Variants in LINGO1 observed in about 807,000 individuals in gnomAD.
The protein encoded by LINGO1 is leucine-rich repeat and immunoglobulin-like domain-containing nogo receptor-interacting protein 1.
A neutral mutation model predicts 37.3 loss-of-function variants in LINGO1; 11 were observed. The ratio of observed to expected loss-of-function variants is 0.29; its 90% CI spans 0.19 to 0.49. The LOEUF is 0.49. Among genes scored for constraint, LINGO1 ranks in the 20% least tolerant of loss-of-function variants. The probability of loss-of-function intolerance (pLI) is 0.99; values close to 1 mark genes in which losing one functional copy is unlikely to be tolerated. For synonymous variants in LINGO1, 387 were observed against 403.0 expected, an observed-to-expected ratio of 0.96 and a Z score of 0.48; for missense variants, 585 against 878.2, an observed-to-expected ratio of 0.67 and a Z score of 4.22.
At chr15:77,704,093 G>A (rs1278561980) in intron 2 of LINGO1, among the ~76,000 whole-genome samples, 1 of 152,174 alleles carries the variant, frequency 6.6e-6, no homozygotes, top group Non-Finnish European at 1.5e-5. Flanking sequence ...CATCCTGTAA[G>A]ATGAGGGCAA....
At chr15:77,666,017 C>T (rs1299694615) in intron 3 of LINGO1, among the ~76,000 whole-genome samples, 2 of 152,222 alleles carry the variant, frequency 1.3e-5, no homozygotes, top group Non-Finnish European at 2.9e-5. Flanking sequence ...CCATGGGCTC[C>T]CCCAGGGCAC....
intron 3 of LINGO1, among the ~76,000 whole-genome samples, chr15:77,664,178 C>CGTGCGCGCGCGCGT (rs1325743368): frequency 7.5e-6 from 1 of 134,066 alleles, no homozygotes; most frequent in African/African-American, 3.0e-5. Context: ...TGTGCGCGCG[C>CGTGCGCGCGCGCGT]GCATGCGTTT....
intron 1 of LINGO1, among the ~76,000 whole-genome samples, chr15:77,770,448 G>A (rs772565980): frequency 4.6e-5 from 7 of 152,118 alleles, no homozygotes; most frequent in African/African-American, 7.2e-5. Flanking sequence ...TTAGTCAGGC[G>A]AGGTGGTGCA....
chr15:77,755,957 T>G (rs2076414531), intron 1 of LINGO1, among the ~76,000 whole-genome samples: 1 of 152,148 alleles, frequency 6.6e-6, no homozygotes, highest in South Asian at 2.1e-4. Flanking sequence ...TTCTTCCTCA[T>G]CCTGACTCCT....
intron 3 of LINGO1, among the ~76,000 whole-genome samples, chr15:77,642,201 C>T (rs2074523173): frequency 6.6e-6 from 1 of 152,190 alleles, no homozygotes; most frequent in African/African-American, 2.4e-5. Context: ...TCCATTAAGA[C>T]CTGAGTCCAG....
At chr15:77,740,967 C>T (rs2076257471) in intron 1 of LINGO1, among the ~76,000 whole-genome samples, 1 of 152,186 alleles carries the variant, frequency 6.6e-6, no homozygotes, top group Admixed American at 6.5e-5. Flanking sequence ...CCACACATGT[C>T]CATCTCCTGG....
At chr15:77,819,236 GC>G (rs2077076112) in intron 1 of LINGO1, 1 of 148,822 alleles carries the variant, frequency 6.7e-6, no homozygotes, top group Non-Finnish European at 1.5e-5. Context: ...TGCGGCCCTG[GC>G]CCCGCTGCAG....
chr15:77,726,461 G>A (rs2076103148), intron 2 of LINGO1, among the ~76,000 whole-genome samples: 2 of 152,340 alleles, frequency 1.3e-5, no homozygotes, highest in South Asian at 4.1e-4. Flanking sequence ...CCTCATTAGG[G>A]CACCCAGATA....
intron 1 of LINGO1, among the ~76,000 whole-genome samples, chr15:77,691,305 A>G (rs567700601): frequency 5.9e-5 from 9 of 152,176 alleles, no homozygotes; most frequent in Non-Finnish European, 1.0e-4. Context: ...TCCAGAGAGG[A>G]GAAGGGATTT....
rs538275504 is a variant in LINGO1, at chr15:77,660,099, T to C, written c.-13+16990A>G. The C allele has an allele frequency of 4.6e-5, 7 of 152,382 alleles. No individual in the cohort carries two copies. In the East Asian group the frequency reaches 1.2e-3, roughly 25 times the overall value. 9.4% of individuals were successfully genotyped at this position (152,382 alleles called of 1,614,324 possible). On this transcript the variant is annotated intron_variant, in intron 3 of 3. Transcript: ENST00000559893. Reference sequence around the variant, plus strand: ...GAGGAGTTGGCACAGTTACTTCTCCTCTCTGAGCCTCGATCTCCCTGCCGG... The same window carrying C: ...GAGGAGTTGGCACAGTTACTTCTCCCCTCTGAGCCTCGATCTCCCTGCCGG...
At chr15:77,677,619 C>T (rs553123197) in intron 2 of LINGO1, among the ~76,000 whole-genome samples, 19 of 152,234 alleles carry the variant, frequency 1.2e-4, no homozygotes, top group African/African-American at 1.2e-4. Flanking sequence ...GCCCCAGCAC[C>T]GCTCAAGATC....
At chr15:77,659,988 T>G (rs1391227848) in intron 3 of LINGO1, 1 of 151,966 alleles carries the variant, frequency 6.6e-6, no homozygotes, top group Non-Finnish European at 1.5e-5. Flanking sequence ...TTCTTCTGTT[T>G]AAAATAGTGA....
At chr15:77,664,178 C>T (rs1051991544) in intron 3 of LINGO1, among the ~76,000 whole-genome samples, 42 of 134,090 alleles carry the variant, frequency 3.1e-4, no homozygotes, top group African/African-American at 4.2e-4. Context: ...TGTGCGCGCG[C>T]GCATGCGTTT....
intron 2 of LINGO1, among the ~76,000 whole-genome samples, chr15:77,703,281 G>A (rs550719950): frequency 1.0e-3 from 159 of 152,274 alleles, no homozygotes; most frequent in African/African-American, 3.7e-3. Flanking sequence ...TCTTGTAACT[G>A]AGAAATGTCA....
chr15:77,752,229 C>G (rs978365357), intron 1 of LINGO1, among the ~76,000 whole-genome samples: 1 of 152,240 alleles, frequency 6.6e-6, no homozygotes, highest in African/African-American at 2.4e-5. Flanking sequence ...TTGTCTCCCC[C>G]AAGGTGGACT....
chr15:77,740,655 G>C (rs2076253719), intron 1 of LINGO1, among the ~76,000 whole-genome samples: 1 of 152,194 alleles, frequency 6.6e-6, no homozygotes, highest in Non-Finnish European at 1.5e-5. Context: ...AATCAGCGAG[G>C]GCTGGAGGCA....
chr15:77,728,667 C>A (rs1026803352), intron 2 of LINGO1, among the ~76,000 whole-genome samples: 2 of 152,238 alleles, frequency 1.3e-5, no homozygotes, highest in Admixed American at 6.5e-5. Context: ...GGGCATCACA[C>A]TTCTCCCTCA....
chr15:77,657,717 C>A (rs971090191), intron 3 of LINGO1, among the ~76,000 whole-genome samples: 7 of 152,138 alleles, frequency 4.6e-5, no homozygotes, highest in African/African-American at 1.4e-4. Flanking sequence ...ATCTCTCCCC[C>A]TCAACTGAAG....
intron 1 of LINGO1, among the ~76,000 whole-genome samples, chr15:77,819,081 C>T (rs1336187041): frequency 6.6e-6 from 1 of 151,188 alleles, no homozygotes; most frequent in African/African-American, 2.4e-5. Context: ...AGCACGCCCC[C>T]TCCCAGCCCC....
Sources: allele counts gnomAD v4.1 joint callset (sites outside exome capture counted in the v4.1 genomes callset), GRCh38; gene constraint gnomAD v4.1.1; transcripts MANE v1.5; gene names NCBI Gene and HGNC (gene_info 2026-07-23, HGNC 2026-07-21).